Variants in PDE4D observed in about 807,000 individuals in gnomAD.
PDE4D encodes the protein phosphodiesterase 4D, also known as 3',5'-cyclic-AMP phosphodiesterase 4D.
PDE4D carries 24 observed loss-of-function variants against 87.4 expected under a neutral mutation model. The ratio of observed to expected loss-of-function variants is 0.27; its 90% CI spans 0.20 to 0.39. The LOEUF (loss-of-function observed/expected upper bound fraction) is 0.39, where lower values mean the gene tolerates loss of function less well. PDE4D is among the 10% of genes least tolerant of loss of function. The pLI is 1.00. For synonymous variants in PDE4D, 384 were observed against 383.2 expected (o/e 1.00, Z -0.02); for missense variants, 714 against 1,041.0 (o/e 0.69, Z 4.32).
intron 3 of PDE4D, among the ~76,000 whole-genome samples, chr5:59,912,364 G>C (rs892519052): frequency 7.9e-5 from 12 of 152,286 alleles, no homozygotes; most frequent in African/African-American, 2.6e-4. Context: ...TTCCCGGGAA[G>C]GAAAATGTCA....
intron 3 of PDE4D, among the ~76,000 whole-genome samples, chr5:59,984,707 T>C (rs1307783009): frequency 6.6e-6 from 1 of 152,190 alleles, no homozygotes; most frequent in African/African-American, 2.4e-5. Context: ...TTTCTGCACA[T>C]CAAAGTTCTT....
chr5:59,477,961 C>T (rs141349678), intron 1 of PDE4D, among the ~76,000 whole-genome samples: 18 of 152,112 alleles, frequency 1.2e-4, no homozygotes, highest in African/African-American at 2.9e-4. Flanking sequence ...AAATACCACA[C>T]GCTCTCACTT....
intron 1 of PDE4D, among the ~76,000 whole-genome samples, chr5:60,232,221 A>G (rs1745897952): frequency 6.6e-6 from 1 of 151,990 alleles, no homozygotes; most frequent in African/African-American, 2.4e-5. Context: ...TTAAGACACA[A>G]TGAAATACTG....
At chr5:59,515,746 A>C (rs1811046405) in intron 1 of PDE4D, among the ~76,000 whole-genome samples, 1 of 152,242 alleles carries the variant, frequency 6.6e-6, no homozygotes, top group African/African-American at 2.4e-5. Flanking sequence ...GATCTTCGTA[A>C]CAAAATGTAT....
chr5:60,304,928 A>C (rs571391986), intron 1 of PDE4D, among the ~76,000 whole-genome samples: 5 of 152,014 alleles, frequency 3.3e-5, no homozygotes, highest in Non-Finnish European at 7.4e-5. Flanking sequence ...TAATAGAAAA[A>C]GAGCTGGACC....
At chr5:60,194,038 A>G (rs1378930214) in intron 1 of PDE4D, among the ~76,000 whole-genome samples, 1 of 150,866 alleles carries the variant, frequency 6.6e-6, no homozygotes, top group African/African-American at 2.4e-5. Context: ...AGATCTAAAT[A>G]CTCTCTTGAG....
chr5:60,259,963 A>T (rs1034965972), intron 1 of PDE4D, among the ~76,000 whole-genome samples: 3 of 152,054 alleles, frequency 2.0e-5, no homozygotes, highest in Non-Finnish European at 2.9e-5. Flanking sequence ...AAAAGAGAAA[A>T]AAAAAGGAAC....
intron 1 of PDE4D, among the ~76,000 whole-genome samples, chr5:59,429,644 G>C (rs912402419): frequency 5.3e-5 from 8 of 152,052 alleles, no homozygotes; most frequent in Non-Finnish European, 1.2e-4. Flanking sequence ...CTTTATAAAT[G>C]CTTCTGAAGT....
At chr5:60,088,466 A>C (rs1459040366) in intron 2 of PDE4D, among the ~76,000 whole-genome samples, 2 of 152,058 alleles carry the variant, frequency 1.3e-5, no homozygotes, top group Non-Finnish European at 2.9e-5. Context: ...ACAATTGATT[A>C]AGAGTTAGGC....
chr5:59,264,743 T>C (rs1762579942), intron 1 of PDE4D, among the ~76,000 whole-genome samples: 1 of 152,034 alleles, frequency 6.6e-6, no homozygotes, highest in Non-Finnish European at 1.5e-5. Context: ...TGGTAACTAC[T>C]CATAATAAAA....
intron 1 of PDE4D, among the ~76,000 whole-genome samples, chr5:60,213,520 C>T (rs1481999934): frequency 2.6e-5 from 4 of 152,184 alleles, no homozygotes; most frequent in Non-Finnish European, 4.4e-5. Context: ...TTCTGGAAGC[C>T]TACCTCTTCT....
chr5:59,570,534 C>T (rs908662450), intron 1 of PDE4D, among the ~76,000 whole-genome samples: 1 of 151,978 alleles, frequency 6.6e-6, no homozygotes, highest in African/African-American at 2.4e-5. Flanking sequence ...CCTTGAAATG[C>T]TCTTAAAATC....
intron 1 of PDE4D, among the ~76,000 whole-genome samples, chr5:59,819,976 T>G (rs1276268693): frequency 6.6e-6 from 1 of 152,230 alleles, no homozygotes; most frequent in African/African-American, 2.4e-5. Context: ...TGCTGCATAC[T>G]AGTGGTTTTG....
intron 1 of PDE4D, among the ~76,000 whole-genome samples, chr5:59,609,190 C>G (rs138410429): frequency 3.3e-5 from 5 of 152,148 alleles, no homozygotes; most frequent in African/African-American, 1.2e-4. Flanking sequence ...GATATAGATG[C>G]AAAACTTCAA....
intron 1 of PDE4D, among the ~76,000 whole-genome samples, chr5:60,406,377 A>G (rs1208677188): frequency 2.6e-5 from 4 of 152,220 alleles, no homozygotes; most frequent in African/African-American, 7.2e-5. Flanking sequence ...TGTTTTCTCT[A>G]TCTAAAGTAA....
intron 1 of PDE4D, among the ~76,000 whole-genome samples, chr5:59,249,891 C>T (rs963527253): frequency 6.6e-5 from 10 of 151,824 alleles, no homozygotes; most frequent in African/African-American, 1.9e-4. Context: ...GAGTCTTGTT[C>T]CATCACCCAG....
chr5:59,008,159 G>A (rs926001318), intron 6 of PDE4D, among the ~76,000 whole-genome samples: 1 of 151,910 alleles, frequency 6.6e-6, no homozygotes, highest in Non-Finnish European at 1.5e-5. Flanking sequence ...CAATAAATGG[G>A]TGCAAAAACT....
intron 2 of PDE4D, among the ~76,000 whole-genome samples, chr5:60,104,316 C>G (rs1045980943): frequency 6.6e-6 from 1 of 152,196 alleles, no homozygotes; most frequent in African/African-American, 2.4e-5. Context: ...GGAGAGGCGC[C>G]CACCATTGCC....
At chr5:59,053,871 G>A (rs1261105276) in intron 5 of PDE4D, among the ~76,000 whole-genome samples, 1 of 151,456 alleles carries the variant, frequency 6.6e-6, no homozygotes, top group Admixed American at 6.6e-5. Context: ...AGCTCAGATC[G>A]TGCCACTGCA....
Sources: allele counts gnomAD v4.1 joint callset (sites outside exome capture counted in the v4.1 genomes callset), GRCh38; gene constraint gnomAD v4.1.1; transcripts MANE v1.5; gene names NCBI Gene and HGNC (gene_info 2026-07-23, HGNC 2026-07-21).